Variants in MAPK10 observed in about 807,000 individuals in gnomAD.
MAPK10 encodes the protein mitogen-activated protein kinase 10.
MAPK10 carries 25 observed loss-of-function variants against 59.3 expected under a neutral mutation model. The ratio of observed to expected loss-of-function variants is 0.42; its 90% CI spans 0.31 to 0.59. The LOEUF (loss-of-function observed/expected upper bound fraction) is 0.59, where lower values mean the gene tolerates loss of function less well. MAPK10 is among the 20% of genes least tolerant of loss of function. MAPK10 has a pLI of 0.15. For missense variants in MAPK10, 351 were observed against 568.9 expected, an observed-to-expected ratio of 0.62 and a Z score of 3.90; for synonymous variants, 190 against 200.5, an observed-to-expected ratio of 0.95 and a Z score of 0.44.
intron 3 of MAPK10, chr4:86,176,077 C>G (rs2075626386): frequency 6.6e-6 from 1 of 152,110 alleles, no homozygotes; most frequent in Non-Finnish European, 1.5e-5. Flanking sequence ...TCTTCTTAAC[C>G]TACTGAAAAA....
intron 1 of MAPK10, among the ~76,000 whole-genome samples, chr4:86,401,495 T>A (rs1255560160): frequency 6.6e-6 from 1 of 152,196 alleles, no homozygotes; most frequent in East Asian, 1.9e-4. Context: ...GTATACAAAC[T>A]GCCACAAGAT....
intron 9 of MAPK10, among the ~76,000 whole-genome samples, chr4:86,088,624 G>A (rs1464830384): frequency 6.6e-6 from 1 of 152,118 alleles, no homozygotes; most frequent in African/African-American, 2.4e-5. Flanking sequence ...TTAATAATAT[G>A]CAGAAAATAA....
intron 4 of MAPK10, among the ~76,000 whole-genome samples, chr4:86,154,712 A>G (rs1250868761): frequency 2.6e-5 from 4 of 152,142 alleles, no homozygotes; most frequent in African/African-American, 7.2e-5. Flanking sequence ...ATTCTGAAAG[A>G]CTGAAAGTTA....
chr4:86,483,935 A>AT (rs1753786382), intron 1 of MAPK10, among the ~76,000 whole-genome samples: 1 of 152,166 alleles, frequency 6.6e-6, no homozygotes, highest in Non-Finnish European at 1.5e-5. Context: ...CAGAAGACAA[A>AT]TGTTGGAATA....
intron 1 of MAPK10, among the ~76,000 whole-genome samples, chr4:86,428,459 G>A (rs1396959113): frequency 1.3e-5 from 2 of 152,010 alleles, no homozygotes; most frequent in African/African-American, 2.4e-5. Context: ...ATACCTGGCC[G>A]TCAAAGTTAC....
intron 2 of MAPK10, among the ~76,000 whole-genome samples, chr4:86,261,152 C>G (rs908339626): frequency 3.9e-5 from 6 of 152,182 alleles, no homozygotes; most frequent in African/African-American, 1.4e-4. Context: ...ATTAAGATAT[C>G]AGCTCATTCC....
chr4:86,360,488 T>G (rs555785282), upstream of MAPK10, among the ~76,000 whole-genome samples: 3 of 152,300 alleles, frequency 2.0e-5, no homozygotes, highest in South Asian at 6.2e-4. Context: ...AAGCAGGCAT[T>G]TGAGTGTCGC....
At chr4:86,517,458 G>A (rs1756773959) in intron 1 of MAPK10, among the ~76,000 whole-genome samples, 1 of 151,828 alleles carries the variant, frequency 6.6e-6, no homozygotes, top group Admixed American at 6.6e-5. Context: ...TGTATTTTTA[G>A]TAGAGACAGG....
chr4:86,178,185 A>T (rs2076120626), intron 3 of MAPK10, among the ~76,000 whole-genome samples: 1 of 152,134 alleles, frequency 6.6e-6, no homozygotes, highest in South Asian at 2.1e-4. Flanking sequence ...GTCCAAAAGT[A>T]TCTTAGGTTC....
chr4:86,422,804 A>C (rs1271048218), intron 1 of MAPK10, among the ~76,000 whole-genome samples: 1 of 152,218 alleles, frequency 6.6e-6, no homozygotes, highest in Non-Finnish European at 1.5e-5. Flanking sequence ...TGCTATCGAA[A>C]TGAGAACAGC....
chr4:86,224,468 G>A (rs1411419277), intron 2 of MAPK10, among the ~76,000 whole-genome samples: 1 of 152,104 alleles, frequency 6.6e-6, no homozygotes, highest in East Asian at 1.9e-4. Flanking sequence ...CCAGGTAGAG[G>A]GACTAGCAAA....
intron 1 of MAPK10, among the ~76,000 whole-genome samples, chr4:86,379,961 C>T (rs1240704306): frequency 3.3e-5 from 5 of 152,032 alleles, no homozygotes; most frequent in South Asian, 4.1e-4. Context: ...TTCGGCAGGG[C>T]GCAGTGGCTC....
chr4:86,394,392 T>C lies in MAPK10; in HGVS notation c.-121-39748A>G, dbSNP rs757567124. Among the ~76,000 whole-genome samples the C allele has an allele frequency of 4.6e-5, 7 of 152,228 alleles. 1 individual carries two copies. The highest frequency in any genetic ancestry group is 1.3e-4 in the Admixed American group (2 of 15,288). ...TCAGAATGAAAGCTATTGTCAGTGA[T>C]TTTTTAGAGAGACTATATCACCAAA... On this transcript the variant is annotated intron_variant, in intron 1 of 13. Transcript: ENST00000361569.
At chr4:86,486,103 T>G (rs1753971160) in intron 1 of MAPK10, among the ~76,000 whole-genome samples, 1 of 152,192 alleles carries the variant, frequency 6.6e-6, no homozygotes, top group African/African-American at 2.4e-5. Context: ...ATAGACACAG[T>G]CACAAATTAA....
At chr4:86,070,686 CCA>C (rs1304466388) in intron 9 of MAPK10, among the ~76,000 whole-genome samples, 2 of 151,088 alleles carry the variant, frequency 1.3e-5, no homozygotes, top group African/African-American at 2.4e-5. Context: ...ATGATGATTT[CCA>C]GTTTCATCCA....
intron 2 of MAPK10, among the ~76,000 whole-genome samples, chr4:86,212,515 T>C (rs547938224): frequency 6.6e-6 from 1 of 152,236 alleles, no homozygotes; most frequent in Non-Finnish European, 1.5e-5. Flanking sequence ...AGTGAGACCC[T>C]GTCTTGAAAA....
intron 4 of MAPK10, among the ~76,000 whole-genome samples, chr4:86,128,194 T>C (rs988270660): frequency 2.6e-5 from 4 of 152,208 alleles, no homozygotes; most frequent in African/African-American, 9.6e-5. Flanking sequence ...GCACTTTTGC[T>C]CCCAACTCAT....
At chr4:86,309,858 A>T (rs907005129) in intron 2 of MAPK10, among the ~76,000 whole-genome samples, 1 of 152,206 alleles carries the variant, frequency 6.6e-6, no homozygotes, top group Non-Finnish European at 1.5e-5. Flanking sequence ...GGCCACATAC[A>T]GGCCTAAAGA....
intron 3 of MAPK10, among the ~76,000 whole-genome samples, chr4:86,171,227 A>C (rs2074018417): frequency 6.6e-6 from 1 of 152,038 alleles, no homozygotes. Flanking sequence ...CTAAAATCAG[A>C]GCAGAACTGA....
Sources: gnomAD v4.1 joint callset for allele counts (sites outside exome capture counted in the v4.1 genomes callset) on GRCh38, gnomAD v4.1.1 for gene constraint, MANE v1.5 for transcripts, NCBI Gene and HGNC (gene_info 2026-07-23, HGNC 2026-07-21) for gene names.